TNFAIP1: variants seen among roughly 807,000 people sequenced by gnomAD.
The protein encoded by TNFAIP1 is BTB/POZ domain-containing adapter for CUL3-mediated RhoA degradation protein 2.
A neutral mutation model predicts 32.6 loss-of-function variants in TNFAIP1; 20 were observed. The observed-to-expected ratio is 0.61, with a 90% CI of 0.43 to 0.89. The LOEUF is 0.89. Among genes scored for constraint, TNFAIP1 ranks in the 40% least tolerant of loss-of-function variants. TNFAIP1 has a pLI of 0.00. For synonymous variants in TNFAIP1, 166 were observed against 166.8 expected (o/e 1.00, Z 0.04); for missense variants, 319 against 425.1 (o/e 0.75, Z 2.20).
At chr17:28,338,667 C>T (rs2142382075) in intron 1 of TNFAIP1, among the ~76,000 whole-genome samples, 1 of 152,094 alleles carries the variant, frequency 6.6e-6, no homozygotes, top group South Asian at 2.1e-4. Flanking sequence ...GCATCCTGTC[C>T]CTCTGGCTCC....
chr17:28,344,472 A>G lies in TNFAIP1; in HGVS notation c.823A>G (p.Ser275Gly). 6.2e-7 allele frequency: 1 copy of G among 1,614,036 alleles called. No individual in the cohort carries two copies. The highest frequency in any genetic ancestry group is 8.5e-7 in the Non-Finnish European group (1 of 1,180,018). ...SLLEATSRSR[S>G]QASPSEDEET... ...GTTGGAGGCCACAAGCCGTAGCCGC[A>G]GCCAGGCTTCCCCCAGTGAAGATGA... Residue 275 changes from serine to glycine, a missense_variant, in exon 7 of 7, where the codon AGC (serine) becomes GGC (glycine). By Grantham distance (56) the Ser-to-Gly change is moderately conservative. Coordinates refer to ENST00000226225, the MANE Select transcript of TNFAIP1 (RefSeq NM_021137.5).
In TNFAIP1 at chr17:28,342,466, G is replaced by C; in HGVS notation, c.714+24G>C. 6.4e-7 allele frequency: 1 copy of C among 1,562,310 alleles called. No homozygotes were observed. The highest frequency in any genetic ancestry group is 8.8e-7 in the Non-Finnish European group (1 of 1,141,012). On this transcript the variant is annotated intron_variant, in intron 6 of 6. Transcript: ENST00000226225. The surrounding 1 kb of genome is among the most constrained non-coding windows in gnomAD (Gnocchi z 4.0). ...AGGTGTGGGGGATTGCCCCTGCCTG[G>C]GTAGGGGAGGACACACACCCACTGT...
Position 28,339,618 on chromosome 17 carries a change from A to G in TNFAIP1, c.97A>G (p.Asn33Asp), listed in dbSNP as rs1555577837. Residue 33 changes from asparagine to aspartate, a missense_variant, in exon 2 of 7, where the codon AAC (asparagine) becomes GAC (aspartate). Transcript: ENST00000226225. ...GGLGNKYVQLNVGGSLYYTTV... is the reference protein window; with the variant it reads ...GGLGNKYVQLDVGGSLYYTTV... ...GTTGGGCAACAAGTATGTCCAGCTC[A>G]ACGTGGGCGGCTCTCTGTACTACAC... 1 of 1,614,004 alleles carries G rather than the reference A, an allele frequency of 6.2e-7. No individual in the cohort carries two copies. Among genetic ancestry groups the G allele is most frequent in the Non-Finnish European group, 8.5e-7 (1 of 1,179,996 alleles).
chr17:28,343,520 TCTG>T (rs1230142274), intron 6 of TNFAIP1, among the ~76,000 whole-genome samples: 2 of 142,248 alleles, frequency 1.4e-5, no homozygotes, highest in Non-Finnish European at 3.1e-5. Flanking sequence ...CCTGCTTCCT[TCTG>T]CGGTTTTTGG....
intron 6 of TNFAIP1, among the ~76,000 whole-genome samples, chr17:28,344,149 G>C (rs1907460102): frequency 6.6e-6 from 1 of 152,068 alleles, no homozygotes; most frequent in South Asian, 2.1e-4. Context: ...CTGGGGCAGG[G>C]GTGTGGAGGA....
chr17:28,341,540 T>G, intron 5 of TNFAIP1, 84 bp downstream of exon 5: 1 of 1,512,212 alleles, frequency 6.6e-7, no homozygotes, highest in Non-Finnish European at 9.1e-7. Context: ...TCGGCGTGGG[T>G]CTGGGCCTGG....
chr17:28,338,587 A>G (rs1250404174), intron 1 of TNFAIP1, among the ~76,000 whole-genome samples: 1 of 147,786 alleles, frequency 6.8e-6, no homozygotes, highest in Non-Finnish European at 1.5e-5. Context: ...CTGAAGCCAG[A>G]CTCTCGGTGG....
chr17:28,336,343 T>G (rs1352589817), intron 1 of TNFAIP1: 1 of 152,178 alleles, frequency 6.6e-6, no homozygotes, highest in African/African-American at 2.4e-5. Context: ...AAGAGCACTG[T>G]GGCTATCAGT....
intron 1 of TNFAIP1, among the ~76,000 whole-genome samples, chr17:28,336,314 A>C (rs1722207460): frequency 6.6e-6 from 1 of 152,102 alleles, no homozygotes; most frequent in Non-Finnish European, 1.5e-5. Context: ...CCAAATATCC[A>C]CACACAAAGT....
At position 28,344,813 on chromosome 17, in the gene TNFAIP1, A is replaced by G; in HGVS notation, c.*213A>G. 3.4e-6 allele frequency: 2 copies of G among 590,984 alleles called. No homozygotes were observed. Among genetic ancestry groups the G allele is most frequent in the South Asian group, 2.0e-5 (1 of 50,016 alleles). The allele number at this position is 590,984 out of a possible 1,614,324, so 36.6% of individuals were successfully genotyped here. A position where few individuals can be genotyped will look rare whatever the true frequency, so the allele number is the denominator to read the frequency against. On this transcript the variant is annotated 3_prime_UTR_variant, in exon 7 of 7. Coordinates refer to ENST00000226225, the MANE Select transcript of TNFAIP1 (RefSeq NM_021137.5). ...ACTTCTGGAGACTGCGTCCTGTCCT[A>G]TCTGCTCACCATCACCCTTCCTGCC...
chr17:28,342,336 T>C lies in TNFAIP1; in HGVS notation c.608T>C (p.Val203Ala). Reference protein sequence around the residue: ...FNGRVLFIKDVIGDEICCWSF... With the variant: ...FNGRVLFIKDAIGDEICCWSF... ...GGCCGCGTGCTCTTCATCAAGGATGTCATTGGTGACGAGATCTGCTGCTGG... is the reference window on the plus strand; with the variant it reads ...GGCCGCGTGCTCTTCATCAAGGATGCCATTGGTGACGAGATCTGCTGCTGG... Residue 203 changes from valine to alanine, a missense_variant, in exon 6 of 7, where the codon GTC becomes GCC. Val to Ala is a moderately conservative substitution (Grantham distance 64, BLOSUM62 0). Coordinates refer to ENST00000226225, the MANE Select transcript of TNFAIP1 (RefSeq NM_021137.5). This position sits in a 1 kb window ranked among gnomAD's most constrained non-coding sequence, Gnocchi z 4.0. 1 of 1,607,588 alleles carries C rather than the reference T, an allele frequency of 6.2e-7. No homozygotes were observed. The highest frequency in any genetic ancestry group is 8.5e-7 in the Non-Finnish European group (1 of 1,174,488).
rs1462092351 is a variant in TNFAIP1, at chr17:28,346,095, T to A, written c.*1495T>A. ...TTATGATAGCTGATGCCACAGAGCC[T>A]ATGGGCAAATGCCAGACCCAGGGTT... On this transcript the variant is annotated 3_prime_UTR_variant, in exon 7 of 7. Transcript: ENST00000226225. 6.6e-6 allele frequency: 1 copy of A among 152,202 alleles called. No homozygotes were observed. Among genetic ancestry groups the A allele is most frequent in the African/African-American group, 2.4e-5 (1 of 41,444 alleles). The allele number at this position is 152,202 out of a possible 1,614,324, so 9.4% of individuals were successfully genotyped here.
rs1165261255 is a variant in TNFAIP1 at position 28,346,529 on chromosome 17, T to C, written c.*1929T>C. On this transcript the variant is annotated 3_prime_UTR_variant, in exon 7 of 7. Coordinates refer to ENST00000226225, the MANE Select transcript of TNFAIP1 (RefSeq NM_021137.5). ...ATTCACATCCTCAGTGTCTCAGTCTTTTTTGCCGAGAAAGCACAGTAGTCT... is the reference window on the plus strand; with the variant it reads ...ATTCACATCCTCAGTGTCTCAGTCTCTTTTGCCGAGAAAGCACAGTAGTCT... The C allele has an allele frequency of 2.0e-5, 3 of 152,226 alleles. No homozygotes were observed. Among genetic ancestry groups the C allele is most frequent in the Non-Finnish European group, 2.9e-5 (2 of 68,042 alleles). 9.4% of individuals were successfully genotyped at this position (152,226 alleles called of 1,614,324 possible). A position where few individuals can be genotyped will look rare whatever the true frequency, so the allele number is the denominator to read the frequency against.
intron 1 of TNFAIP1, among the ~76,000 whole-genome samples, chr17:28,337,108 T>C (rs1907200471): frequency 6.6e-6 from 1 of 152,182 alleles, no homozygotes; most frequent in Non-Finnish European, 1.5e-5. Context: ...GCTGCCATCA[T>C]CTCTTCTTGC....
At chr17:28,337,621 G>A (rs1555577599) in intron 1 of TNFAIP1, among the ~76,000 whole-genome samples, 1 of 151,952 alleles carries the variant, frequency 6.6e-6, no homozygotes, top group Admixed American at 6.6e-5. Context: ...ACCCACTTCG[G>A]CCTCCTAAAG....
Position 28,339,544 on chromosome 17 carries a change from G to A in TNFAIP1, c.23G>A (p.Cys8Tyr). The change falls in exon 2 of 7, where the codon TGC (cysteine) becomes TAC (tyrosine). Residue 8 changes from cysteine (C) to tyrosine (Y), a missense_variant. By Grantham distance (194) the Cys-to-Tyr change is radical. Transcript: ENST00000226225. ...GAGATGTCGGGGGACACCTGCCTGT[G>A]CCCAGCCTCAGGGGCCAAGCCCAAG... MSGDTCL[C>Y]PASGAKPKLS... 1 of 1,608,760 alleles carries A rather than the reference G, an allele frequency of 6.2e-7. No individual in the cohort carries two copies.
Position 28,344,700 on chromosome 17 carries a change from C to CT in TNFAIP1, c.*101dup. 1 of 1,243,572 alleles carries CT rather than the reference C, an allele frequency of 8.0e-7. No individual in the cohort carries two copies. The highest frequency in any genetic ancestry group is 1.1e-6 in the Non-Finnish European group (1 of 874,368). The allele number at this position is 1,243,572 out of a possible 1,614,324, so 77.0% of individuals were successfully genotyped here. On this transcript the variant is annotated 3_prime_UTR_variant, in exon 7 of 7. Coordinates refer to ENST00000226225, the MANE Select transcript of TNFAIP1 (RefSeq NM_021137.5). ...TGCTGCTGCTGCCTGGGTCTCTGCT[C>CT]TAGCACCCAGAGGCATGACAGGCCC...
Position 28,344,749 on chromosome 17 carries a change from G to A in TNFAIP1, c.*149G>A. 2.7e-6 allele frequency: 2 copies of A among 754,614 alleles called. No homozygotes were observed. The highest frequency in any genetic ancestry group is 2.2e-6 in the Non-Finnish European group (1 of 462,504). 46.7% of individuals were successfully genotyped at this position (754,614 alleles called of 1,614,324 possible). On this transcript the variant is annotated 3_prime_UTR_variant, in exon 7 of 7. Transcript: ENST00000226225. ...CCTGCTCAGAGGTCAGAGGGTCTGG[G>A]CAGAGGAGGGACCACATTCCCCTGC...
chr17:28,338,111 T>C (rs1337407018), intron 1 of TNFAIP1, among the ~76,000 whole-genome samples: 1 of 152,216 alleles, frequency 6.6e-6, no homozygotes, highest in Non-Finnish European at 1.5e-5. Context: ...CTCAGTAGTT[T>C]AATTGCTGAA....
Sources: gnomAD v4.1 joint callset for allele counts (sites outside exome capture counted in the v4.1 genomes callset) on GRCh38, gnomAD v4.1.1 for gene constraint, Gnocchi (gnomAD v3.1) non-coding constraint, MANE v1.5 for transcripts, NCBI Gene and HGNC (gene_info 2026-07-23, HGNC 2026-07-21) for gene names.